Variants in IRAK2 observed in about 807,000 individuals in gnomAD.
IRAK2 encodes the protein interleukin-1 receptor-associated kinase-like 2.
In IRAK2, 57 loss-of-function variants were observed where a neutral mutation model predicts 72.0. The ratio of observed to expected loss-of-function variants is 0.79; its 90% CI spans 0.64 to 0.99. The LOEUF (loss-of-function observed/expected upper bound fraction) is 0.99. Among genes scored for constraint, IRAK2 ranks in the 50% least tolerant of loss-of-function variants. The pLI, the probability that IRAK2 is intolerant of heterozygous loss-of-function variation, is 0.00. For synonymous variants in IRAK2, 293 were observed against 312.7 expected (o/e 0.94, Z 0.67); for missense variants, 790 against 794.4 (o/e 0.99, Z 0.07).
At chr3:10,210,159 G>T (rs1697496948) in intron 4 of IRAK2, among the ~76,000 whole-genome samples, 1 of 152,174 alleles carries the variant, frequency 6.6e-6, no homozygotes. Context: ...GACGTCAGGT[G>T]ATCCACCTGC....
chr3:10,187,813 G>C (rs1273761019), intron 2 of IRAK2, among the ~76,000 whole-genome samples: 1 of 152,168 alleles, frequency 6.6e-6, no homozygotes, highest in Admixed American at 6.6e-5. Flanking sequence ...GGTGACCATG[G>C]TGAGGGTGCT....
intron 1 of IRAK2, among the ~76,000 whole-genome samples, chr3:10,165,939 A>G (rs1372897492): frequency 6.6e-6 from 1 of 152,004 alleles, no homozygotes; most frequent in Non-Finnish European, 1.5e-5. Context: ...CGTGTTAGCC[A>G]GGATGGTCTG....
chr3:10,195,256 T>C lies in IRAK2; in HGVS notation c.278-5113T>C, dbSNP rs906552931. Among the ~76,000 whole-genome samples the C allele has an allele frequency of 7.2e-5, 11 of 152,172 alleles. No homozygotes were observed. The South Asian group carries it at 1.7e-3, about 23-fold the overall frequency. ...CAAAGATTTGTGCTGAACAAAACAT[T>C]ACCCTGAATAGGACACTGGACTGGG... On this transcript the variant is annotated intron_variant, in intron 2 of 12. Coordinates refer to ENST00000256458, the MANE Select transcript of IRAK2 (RefSeq NM_001570.4).
At chr3:10,176,963 C>T (rs926209353) in intron 1 of IRAK2, among the ~76,000 whole-genome samples, 51 of 151,688 alleles carry the variant, frequency 3.4e-4, no homozygotes, top group African/African-American at 1.1e-3. Context: ...CCACCACGCC[C>T]GGCTAATTTT....
rs1186140011 is a variant in IRAK2 at position 10,213,374 on chromosome 3, G to C, written c.696G>C (p.Lys232Asn). The C allele has an allele frequency of 3.1e-6, 5 of 1,614,134 alleles. No homozygotes were observed. The highest frequency in any genetic ancestry group is 4.2e-6 in the Non-Finnish European group (5 of 1,180,036). The change falls in exon 5 of 13, where the codon AAG becomes AAC. Residue 232 changes from lysine (K) to asparagine (N), a missense_variant. Coordinates refer to ENST00000256458, the MANE Select transcript of IRAK2 (RefSeq NM_001570.4). ...ADVYRGHRHG[K>N]PFVFKKLRET... ...TCTACAGAGGGCACAGGCACGGGAA[G>C]CCATTCGTCTTCAAGAAGCTCAGAG...
intron 1 of IRAK2, 93 bp from the exon 2 acceptor site, chr3:10,177,745 T>G: frequency 1.6e-6 from 2 of 1,262,268 alleles, no homozygotes; most frequent in Non-Finnish European, 2.3e-6. Context: ...GGGGAGGATG[T>G]CCTGGAAAAG....
chr3:10,174,360 T>C (rs1696840909), intron 1 of IRAK2, among the ~76,000 whole-genome samples: 1 of 152,130 alleles, frequency 6.6e-6, no homozygotes, highest in Admixed American at 6.5e-5. Flanking sequence ...GTCACAGCAC[T>C]CACTGGCTCT....
chr3:10,230,814 G>A (rs1440116445), intron 10 of IRAK2, among the ~76,000 whole-genome samples: 1 of 152,034 alleles, frequency 6.6e-6, no homozygotes, highest in Non-Finnish European at 1.5e-5. Flanking sequence ...GTACAGTGGT[G>A]CAATCTCCGC....
chr3:10,200,814 T>C (rs989596996), intron 3 of IRAK2, among the ~76,000 whole-genome samples: 9 of 152,174 alleles, frequency 5.9e-5, no homozygotes, highest in African/African-American at 2.2e-4. Flanking sequence ...GGTAGGGGGA[T>C]TGCTCGAGCC....
Position 10,164,980 on chromosome 3 carries a change from C to G in IRAK2, c.26C>G (p.Pro9Arg). Residue 9 changes from proline (P) to arginine (R), a missense_variant, in exon 1 of 13, where the codon CCC becomes CGC. Coordinates refer to ENST00000256458, the MANE Select transcript of IRAK2 (RefSeq NM_001570.4). ...ATGGCCTGCTACATCTACCAGCTGC[C>G]CTCCTGGGTGCTGGACGACCTGTGC... Reference protein sequence around the residue: MACYIYQLPSWVLDDLCRN... With the variant: MACYIYQLRSWVLDDLCRN... 3 of 1,611,462 alleles carry G rather than the reference C, an allele frequency of 1.9e-6. No homozygotes were observed. The highest frequency in any genetic ancestry group is 2.5e-6 in the Non-Finnish European group (3 of 1,179,490).
At chr3:10,235,391 G>A (rs1056923872) in intron 11 of IRAK2, among the ~76,000 whole-genome samples, 2 of 151,690 alleles carry the variant, frequency 1.3e-5, no homozygotes, top group East Asian at 1.9e-4. Context: ...TTCGCCTCCC[G>A]GGTTCAAGTA....
At chr3:10,224,006 C>T (rs1221165778) in intron 9 of IRAK2, among the ~76,000 whole-genome samples, 1 of 152,170 alleles carries the variant, frequency 6.6e-6, no homozygotes, top group East Asian at 1.9e-4. Context: ...TTCAGTGAAG[C>T]TCAGCAGGGC....
At chr3:10,211,803 C>A (rs1054981934) in intron 4 of IRAK2, among the ~76,000 whole-genome samples, 1 of 152,066 alleles carries the variant, frequency 6.6e-6, no homozygotes, top group Non-Finnish European at 1.5e-5. Flanking sequence ...TTAGGCCGGG[C>A]GCGGTGGCTC....
intron 1 of IRAK2, among the ~76,000 whole-genome samples, chr3:10,165,869 T>A (rs914981985): frequency 4.6e-5 from 7 of 152,184 alleles, no homozygotes; most frequent in African/African-American, 1.4e-4. Context: ...TAGCTGGGAC[T>A]ACAGGCGCCC....
intron 2 of IRAK2, among the ~76,000 whole-genome samples, chr3:10,184,731 T>G (rs1341847249): frequency 1.8e-5 from 1 of 55,826 alleles, no homozygotes; most frequent in Non-Finnish European, 4.5e-5. Flanking sequence ...GTGTTTTTTT[T>G]TTTTTTTTTT....
At chr3:10,193,690 C>T (rs1464583353) in intron 2 of IRAK2, among the ~76,000 whole-genome samples, 1 of 152,224 alleles carries the variant, frequency 6.6e-6, no homozygotes, top group Non-Finnish European at 1.5e-5. Context: ...TGCCTGTGGC[C>T]ACCTAAGCTA....
Position 10,184,902 on chromosome 3 carries a change from T to A in IRAK2, c.277+6882T>A, listed in dbSNP as rs113676681. Among the ~76,000 whole-genome samples, 228 of 144,382 alleles carry A rather than the reference T, an allele frequency of 1.6e-3. 7 individuals are homozygous for A. Among genetic ancestry groups the A allele is most frequent in the African/African-American group, 5.0e-3 (192 of 38,660 alleles). 94.7% of individuals were successfully genotyped at this position (144,382 alleles called of 152,430 possible). A position where few individuals can be genotyped will look rare whatever the true frequency, so the allele number is the denominator to read the frequency against. ...CCGCCACCATGCCCGGCTATTTTTT[T>A]ATTTTTTTTTATTTTTAGTAGAGAC... On this transcript the variant is annotated intron_variant, in intron 2 of 12. Coordinates refer to ENST00000256458, the MANE Select transcript of IRAK2 (RefSeq NM_001570.4).
intron 8 of IRAK2, 99 bp downstream of exon 8, chr3:10,219,888 C>A: frequency 1.3e-6 from 1 of 777,844 alleles, no homozygotes. Flanking sequence ...CACCCCTGTC[C>A]TCTTTGTTTT....
intron 2 of IRAK2, among the ~76,000 whole-genome samples, chr3:10,186,205 G>C (rs532237929): frequency 6.6e-6 from 1 of 151,874 alleles, no homozygotes; most frequent in African/African-American, 2.4e-5. Context: ...CTTTTATTTA[G>C]GGCTCCTTGG....
Sources: allele counts gnomAD v4.1 joint callset (sites outside exome capture counted in the v4.1 genomes callset), GRCh38; gene constraint gnomAD v4.1.1; transcripts MANE v1.5; gene names NCBI Gene and HGNC (gene_info 2026-07-23, HGNC 2026-07-21).